The following PODN variants were observed in gnomAD, a reference collection of about 807,000 sequenced individuals.
PODN encodes podocan.
In PODN, 40 loss-of-function variants were observed where a neutral mutation model predicts 52.7. The observed-to-expected ratio is 0.76, with a 90% confidence interval of 0.59 to 0.99. The LOEUF is 0.99. PODN is among the 50% of genes least tolerant of loss of function. The probability of loss-of-function intolerance (pLI) is 0.00; values close to 1 mark genes in which losing one functional copy is unlikely to be tolerated. For missense variants in PODN, 720 were observed against 815.1 expected (o/e 0.88, Z 1.42); for synonymous variants, 396 against 377.9 (o/e 1.05, Z -0.56).
Position 53,067,915 on chromosome 1 carries a change from TA to T in PODN, c.-55-1866del, listed in dbSNP as rs71844234. On this transcript the variant is annotated intron_variant, in intron 1 of 10. Transcript: ENST00000312553. ...TGGGTGACAGAGTGAGGCCTTGTCT[TA>T]AAAAAAAAAAAAAAAAAAAGCCCAG... 6.1e-3 allele frequency among the ~76,000 whole-genome samples: 588 copies of T among 96,320 alleles called. 3 individuals carry two copies. Among genetic ancestry groups the T allele is most frequent in the Middle Eastern group, 0.011 (2 of 176 alleles). 63.2% of individuals were successfully genotyped at this position (96,320 alleles called of 152,430 possible). A position where few individuals can be genotyped will look rare whatever the true frequency, so the allele number is the denominator to read the frequency against.
intron 1 of PODN, among the ~76,000 whole-genome samples, chr1:53,067,199 G>A (rs1412063817): frequency 2.6e-5 from 4 of 152,070 alleles, no homozygotes; most frequent in African/African-American, 7.2e-5. Context: ...CAGGTGTGCC[G>A]GGCTCCCTGT....
intron 3 of PODN, among the ~76,000 whole-genome samples, chr1:53,074,260 G>A (rs1644160977): frequency 6.6e-6 from 1 of 152,254 alleles, no homozygotes; most frequent in African/African-American, 2.4e-5. Flanking sequence ...CTGTGGATGG[G>A]GCTGTGACCT....
chr1:53,063,796 T>G (rs1415816978), intron 1 of PODN, among the ~76,000 whole-genome samples: 1 of 152,208 alleles, frequency 6.6e-6, no homozygotes, highest in Admixed American at 6.5e-5. Context: ...ACTTTTAGGC[T>G]TGGTGTAGTC....
intron 1 of PODN, among the ~76,000 whole-genome samples, chr1:53,067,528 C>T (rs1434521977): frequency 6.6e-6 from 1 of 152,098 alleles, no homozygotes; most frequent in Non-Finnish European, 1.5e-5. Flanking sequence ...GGTATCTGAA[C>T]TCCCACAGCC....
At chr1:53,072,385 C>T (rs77210531) in intron 3 of PODN, among the ~76,000 whole-genome samples, 1,531 of 152,298 alleles carry the variant, frequency 0.01, 9 homozygotes, top group Middle Eastern at 0.02. Flanking sequence ...TAAACACACA[C>T]GTAGATAGTA....
intron 1 of PODN, among the ~76,000 whole-genome samples, chr1:53,065,879 G>A (rs1644024891): frequency 6.6e-6 from 1 of 151,910 alleles, no homozygotes; most frequent in Admixed American, 6.6e-5. Flanking sequence ...TCATCCCTTA[G>A]AATGGGATTA....
At chr1:53,082,216 A>T (rs901071074) in intron 10 of PODN, 28 bp downstream of exon 10, 25 of 1,467,482 alleles carry the variant, frequency 1.7e-5, no homozygotes, top group Non-Finnish European at 2.0e-5. Context: ...GGCAGCACTC[A>T]CTTCTGCTCC....
chr1:53,066,747 G>T (rs1644038235), intron 1 of PODN: 5 of 1,436,918 alleles, frequency 3.5e-6, no homozygotes, highest in Non-Finnish European at 4.8e-6. Flanking sequence ...TTGTAAAGTG[G>T]TGATGATAAC....
At chr1:53,069,751 G>A in intron 1 of PODN, 50 bp from the exon 2 acceptor site, 1 of 1,522,660 alleles carries the variant, frequency 6.6e-7, no homozygotes, top group Non-Finnish European at 8.8e-7. Context: ...GCTCGGGAGG[G>A]CCCCGTCATG....
Position 53,078,844 on chromosome 1 carries a change from T to C in PODN, c.1334T>C (p.Leu445Pro). 1 of 1,612,756 alleles carries C rather than the reference T, an allele frequency of 6.2e-7. No individual in the cohort carries two copies. The highest frequency in any genetic ancestry group is 8.5e-7 in the Non-Finnish European group (1 of 1,179,680). The change falls in exon 8 of 11, where the codon CTG becomes CCG. Residue 445 changes from leucine to proline, a missense_variant. By Grantham distance (98) the Leu-to-Pro change is moderately conservative. Coordinates refer to ENST00000312553, the MANE Select transcript of PODN (RefSeq NM_153703.5). ...CTGTCGGGCAACCGGCTGCACACGCTGCCACCTGGGCTGCCTCGAAATGTC... is the reference window on the plus strand; with the variant it reads ...CTGTCGGGCAACCGGCTGCACACGCCGCCACCTGGGCTGCCTCGAAATGTC... ...LDLSGNRLHTLPPGLPRNVHV... is the reference protein window; with the variant it reads ...LDLSGNRLHTPPPGLPRNVHV...
intron 3 of PODN, among the ~76,000 whole-genome samples, chr1:53,072,043 T>C (rs1358100969): frequency 6.6e-6 from 1 of 150,916 alleles, no homozygotes; most frequent in Non-Finnish European, 1.5e-5. Flanking sequence ...TTACAGGTCA[T>C]TTGTTTAGTT....
rs1169242328 is a variant in PODN, at chr1:53,074,686, C to A, written c.471+16C>A. On this transcript the variant is annotated intron_variant, in intron 4 of 10. Coordinates refer to ENST00000312553, the MANE Select transcript of PODN (RefSeq NM_153703.5). ...CAATAACAAGGTGAGGGGCTTGAGG[C>A]AGGGTGGGGGGTTGCTGCCCTGTCC... 4 of 1,608,372 alleles carry A rather than the reference C, an allele frequency of 2.5e-6. No homozygotes were observed. Among genetic ancestry groups the A allele is most frequent in the African/African-American group, 1.3e-5 (1 of 74,852 alleles).
rs1277498978 is a variant in PODN at position 53,081,991 on chromosome 1, C to T, written c.1672C>T (p.Leu558=). The change falls in exon 10 of 11, where the codon CTG becomes TTG. Residue 558 remains leucine (L), a synonymous_variant. Transcript: ENST00000312553. ...LKGIFLRFNK[L]AVGSVVDSAF... ...TCGATGCTCACACAGGTTTAACAAG[C>T]TGGCTGTGGGCTCCGTGGTGGACAG... is the stretch of plus-strand genomic sequence containing the variant. The T allele has an allele frequency of 4.4e-6, 7 of 1,599,622 alleles. No homozygotes were observed. The East Asian group carries it at 1.4e-4, about 31-fold the overall frequency.
At position 53,078,594 on chromosome 1, in the gene PODN, C is replaced by T; in HGVS notation, c.1084C>T (p.His362Tyr). Residue 362 changes from histidine (H) to tyrosine (Y), a missense_variant, in exon 8 of 11, where the codon CAC becomes TAC. Physicochemically the swap from His to Tyr is moderately conservative, Grantham distance 83. Transcript: ENST00000312553. Reference sequence around the variant, plus strand: ...GGCCTTCCAGGGCCTCAAGCGGTTGCACACGGTGCACCTGTACAACAACGC... The same window carrying T: ...GGCCTTCCAGGGCCTCAAGCGGTTGTACACGGTGCACCTGTACAACAACGC... ...PLAFQGLKRL[H>Y]TVHLYNNALE... The T allele has an allele frequency of 6.2e-7, 1 of 1,613,088 alleles. No homozygotes were observed. Among genetic ancestry groups the T allele is most frequent in the Non-Finnish European group, 8.5e-7 (1 of 1,180,014 alleles).
At position 53,071,584 on chromosome 1, in the gene PODN, G is replaced by C. The variant is rs145022506; in HGVS notation, c.362G>C (p.Arg121Pro). The C allele has an allele frequency of 1.2e-6, 2 of 1,613,858 alleles. No individual in the cohort carries two copies. Among genetic ancestry groups the C allele is most frequent in the East Asian group, 4.5e-5 (2 of 44,890 alleles). The change falls in exon 3 of 11, where the codon CGG (arginine) becomes CCG (proline). Residue 121 changes from arginine (R) to proline (P), a missense_variant. Arg to Pro is a moderately radical substitution (Grantham distance 103, BLOSUM62 -2). Coordinates refer to ENST00000312553, the MANE Select transcript of PODN (RefSeq NM_153703.5). The stretch of plus-strand genomic sequence containing the variant: ...CCTGAGGAGCTCTCCCGGCTGCACC[G>C]GCTGGAGACGCTGAACCTGCAAAAC... ...IYPEELSRLH[R>P]LETLNLQNNR...
chr1:53,080,800 C>A lies in PODN; in HGVS notation c.1585C>A (p.Leu529Met), dbSNP rs1280518403. 2 of 1,614,156 alleles carry A rather than the reference C, an allele frequency of 1.2e-6. No individual in the cohort carries two copies. The change falls in exon 9 of 11, where the codon CTG (leucine) becomes ATG (methionine). Residue 529 changes from leucine (L) to methionine (M), a missense_variant. Physicochemically the swap from Leu to Met is conservative, Grantham distance 15. Coordinates refer to ENST00000312553, the MANE Select transcript of PODN (RefSeq NM_153703.5). ...CCCCGAGTCACTTGAGTACCTGTAC[C>A]TGCAGAACAACAAGATTAGTGCGGT... ...GLPESLEYLY[L>M]QNNKISAVPA...
chr1:53,079,418 GGCC>G, intron 8 of PODN, among the ~76,000 whole-genome samples: 1 of 152,294 alleles, frequency 6.6e-6, no homozygotes, highest in Admixed American at 6.5e-5. Flanking sequence ...GAGGACCGGG[GGCC>G]AGTTCGGGTG....
At chr1:53,075,266 A>C (rs1295949574) in intron 4 of PODN, among the ~76,000 whole-genome samples, 3 of 152,130 alleles carry the variant, frequency 2.0e-5, no homozygotes, top group African/African-American at 4.8e-5. Flanking sequence ...TCCCCTAGAC[A>C]TCCAGTGGAA....
chr1:53,076,861 G>T (rs1077467), intron 5 of PODN, among the ~76,000 whole-genome samples: 9,531 of 152,202 alleles, frequency 0.063, 579 homozygotes, highest in East Asian at 0.24. Context: ...GACAGGCAGG[G>T]ATGAAGGGGC....
Sources: allele counts gnomAD v4.1 joint callset (sites outside exome capture counted in the v4.1 genomes callset), GRCh38; gene constraint gnomAD v4.1.1; transcripts MANE v1.5; gene names NCBI Gene and HGNC (gene_info 2026-07-23, HGNC 2026-07-21).